TENM2: variants seen among roughly 807,000 people sequenced by gnomAD.
TENM2 encodes teneurin transmembrane protein 2.
TENM2 carries 52 observed loss-of-function variants against 245.2 expected under a neutral mutation model. That is an observed-to-expected ratio of 0.21 (90% CI 0.17 to 0.27). The LOEUF is 0.27. TENM2 is among the 10% of genes least tolerant of loss of function. The pLI is 1.00. For missense variants in TENM2, 3,046 were observed against 3,666.8 expected, an observed-to-expected ratio of 0.83 and a Z score of 4.37; for synonymous variants, 1,363 against 1,438.9, an observed-to-expected ratio of 0.95 and a Z score of 1.19.
chr5:167,661,846 G>C (rs1269967675), intron 2 of TENM2, among the ~76,000 whole-genome samples: 2 of 152,212 alleles, frequency 1.3e-5, no homozygotes, highest in Non-Finnish European at 2.9e-5. Flanking sequence ...CTACTCACTG[G>C]TTCCCAGAAG....
intron 12 of TENM2, among the ~76,000 whole-genome samples, chr5:168,154,116 A>C (rs1404466958): frequency 7.2e-6 from 1 of 139,562 alleles, no homozygotes. Context: ...TGTTGCCTAA[A>C]TTCTCCATTT....
chr5:167,865,022 A>C (rs977202452), intron 2 of TENM2, among the ~76,000 whole-genome samples: 3 of 152,140 alleles, frequency 2.0e-5, no homozygotes, highest in Non-Finnish European at 2.9e-5. Context: ...AGTTCCTTTT[A>C]ATCTTTCTCT....
intron 27 of TENM2, among the ~76,000 whole-genome samples, chr5:168,258,436 G>C (rs1447697487): frequency 6.6e-6 from 1 of 152,116 alleles, no homozygotes; most frequent in South Asian, 2.1e-4. Flanking sequence ...AGGAGGCGGA[G>C]GTTGCAGTGA....
the TENM2 span, among the ~76,000 whole-genome samples, chr5:167,070,284 A>ATTTTTTTTTTTTTTTTTTTTTTTT: frequency 1.2e-4 from 12 of 99,348 alleles, no homozygotes; most frequent in East Asian, 3.2e-4. Context: ...CGCCCGGCTA[A>ATTTTTTTTTTTTTTTTTTTTTTTT]TTTTTTTTTT....
At chr5:167,178,675 T>TAA in the TENM2 span, among the ~76,000 whole-genome samples, 2 of 149,440 alleles carry the variant, frequency 1.3e-5, no homozygotes, top group East Asian at 1.9e-4. Context: ...AACGTGAACT[T>TAA]AAAAAAAAAA....
chr5:167,831,727 G>A (rs563544079), intron 2 of TENM2, among the ~76,000 whole-genome samples: 1 of 151,958 alleles, frequency 6.6e-6, no homozygotes, highest in Non-Finnish European at 1.5e-5. Context: ...AGTTCTTTCA[G>A]GTCTAAATGC....
chr5:167,759,379 G>C (rs775410459), intron 2 of TENM2, among the ~76,000 whole-genome samples: 2 of 151,686 alleles, frequency 1.3e-5, no homozygotes, highest in Non-Finnish European at 2.9e-5. Context: ...TATGAGTGTT[G>C]GCTGTTTGTT....
At chr5:168,173,557 TG>T (rs1759050756) in intron 13 of TENM2, among the ~76,000 whole-genome samples, 1 of 152,094 alleles carries the variant, frequency 6.6e-6, no homozygotes, top group Admixed American at 6.5e-5. Context: ...TTGTCATTGA[TG>T]GCAATGACAG....
rs538964561 is a variant in TENM2, at chr5:167,691,603, A to G, written c.503-184383A>G. Among the ~76,000 whole-genome samples, 7 of 152,320 alleles carry G rather than the reference A, an allele frequency of 4.6e-5. No homozygotes were observed. The East Asian group carries it at 1.2e-3, about 25-fold the overall frequency. On this transcript the variant is annotated intron_variant, in intron 2 of 28. Coordinates refer to ENST00000518659, the Ensembl canonical transcript of TENM2. Reference sequence around the variant, plus strand: ...CCTTCCCCGCTTCTGTCCCTCAGCAATCACCACCAGAAAATTGTCCTTCAC... The same window carrying G: ...CCTTCCCCGCTTCTGTCCCTCAGCAGTCACCACCAGAAAATTGTCCTTCAC...
intron 5 of TENM2, among the ~76,000 whole-genome samples, chr5:168,025,428 T>G (rs1786519734): frequency 6.6e-6 from 1 of 152,250 alleles, no homozygotes; most frequent in African/African-American, 2.4e-5. Flanking sequence ...ATCTTTTTTT[T>G]TCTTCATATA....
At chr5:168,260,180 C>T (rs769183065) in intron 27 of TENM2, 103 bp from the exon 30 acceptor site, 220 of 1,293,824 alleles carry the variant, frequency 1.7e-4, no homozygotes, top group Non-Finnish European at 2.3e-4. Flanking sequence ...CCCTTTGGGC[C>T]CTACACCCAA....
intron 6 of TENM2, 76 bp from the exon 9 acceptor site, chr5:168,061,984 A>G: frequency 7.6e-7 from 1 of 1,311,494 alleles, no homozygotes; most frequent in Non-Finnish European, 1.0e-6. Flanking sequence ...AAAACCTGGC[A>G]TGTAATTAAA....
At chr5:168,139,666 A>T (rs1755361287) in intron 12 of TENM2, 1 of 434,632 alleles carries the variant, frequency 2.3e-6, no homozygotes, top group Admixed American at 2.6e-5. Flanking sequence ...GCCTCTAGAA[A>T]GAGTTGTAAA....
At chr5:167,712,837 A>G (rs1758998855) in intron 2 of TENM2, among the ~76,000 whole-genome samples, 1 of 152,212 alleles carries the variant, frequency 6.6e-6, no homozygotes, top group African/African-American at 2.4e-5. Context: ...TCTAAAATGC[A>G]GTATATTTCT....
At chr5:167,655,206 C>T (rs925896635) in intron 2 of TENM2, among the ~76,000 whole-genome samples, 8 of 152,076 alleles carry the variant, frequency 5.3e-5, no homozygotes, top group South Asian at 2.1e-4. Context: ...AAAAGAAAAA[C>T]ACTAGAACAG....
Position 167,302,761 on chromosome 5 carries a change from A to G in TENM2, c.226+17698A>G, listed in dbSNP as rs183894937. Among the ~76,000 whole-genome samples the G allele has an allele frequency of 3.5e-3, 526 of 152,136 alleles. 3 individuals are homozygous for G. Among genetic ancestry groups the G allele is most frequent in the African/African-American group, 0.012 (510 of 41,536 alleles). On this transcript the variant is annotated intron_variant, in intron 1 of 28. Transcript: ENST00000518659. ...CCAGAAAAGCGGAGAAGGGGTATTG[A>G]CATGGAGAGAAGGGGTTGTGGTTCT...
chr5:168,196,952 C>T (rs1484453488), intron 15 of TENM2, among the ~76,000 whole-genome samples: 2 of 152,178 alleles, frequency 1.3e-5, no homozygotes, highest in African/African-American at 4.8e-5. Flanking sequence ...ATCAGTTACT[C>T]TTCAGCTTGT....
intron 2 of TENM2, among the ~76,000 whole-genome samples, chr5:167,564,776 A>G (rs1773799739): frequency 6.6e-6 from 1 of 152,156 alleles, no homozygotes; most frequent in Admixed American, 6.5e-5. Context: ...AGGAGGCCAG[A>G]AAAGGCTTTC....
chr5:167,617,454 A>G (rs1718599541), intron 2 of TENM2, among the ~76,000 whole-genome samples: 2 of 152,176 alleles, frequency 1.3e-5, no homozygotes, highest in South Asian at 4.1e-4. Flanking sequence ...CTTCAAAACA[A>G]AAAGTCAAAA....
Sources: gnomAD v4.1 joint callset for allele counts (sites outside exome capture counted in the v4.1 genomes callset) on GRCh38, gnomAD v4.1.1 for gene constraint, MANE v1.5 for transcripts, NCBI Gene and HGNC (gene_info 2026-07-23, HGNC 2026-07-21) for gene names.